Variants in RPL3L observed in about 807,000 individuals in gnomAD.
RPL3L encodes ribosomal protein uL3-like.
RPL3L carries 44 observed loss-of-function variants against 44.5 expected under a neutral mutation model. The observed-to-expected ratio is 0.99, with a 90% CI of 0.78 to 1.27. RPL3L has a LOEUF of 1.27. RPL3L is among the 50% of genes most tolerant of loss of function. RPL3L has a pLI of 0.00. For missense variants in RPL3L, 631 were observed against 569.1 expected (o/e 1.11, Z -1.11); for synonymous variants, 292 against 230.7 (o/e 1.27, Z -2.41).
At chr16:1,952,432 A>G (rs1040061046) in intron 3 of RPL3L, among the ~76,000 whole-genome samples, 4 of 152,158 alleles carry the variant, frequency 2.6e-5, no homozygotes, top group Admixed American at 6.6e-5. Context: ...GCTGCAGTGC[A>G]GTGGCACGAT....
Position 1,944,788 on chromosome 16 carries a change from T to C in RPL3L, c.*49A>G, listed in dbSNP as rs1329148540. On this transcript the variant is annotated 3_prime_UTR_variant, in exon 10 of 10. Transcript: ENST00000268661. ...AGTCGCCTCCGGCCTTTGTTAGACA[T>C]TGGGGCAGACAGTGCGGTGCGCTTC... 9.3e-6 allele frequency: 15 copies of C among 1,612,052 alleles called. No individual in the cohort carries two copies. The highest frequency in any genetic ancestry group is 1.2e-5 in the Non-Finnish European group (14 of 1,178,410).
rs1397272896 is a variant in RPL3L, at chr16:1,945,840, T to C, written c.1042A>G (p.Arg348Gly). 1 of 1,613,808 alleles carries C rather than the reference T, an allele frequency of 6.2e-7. No homozygotes were observed. Among genetic ancestry groups the C allele is most frequent in the East Asian group, 2.2e-5 (1 of 44,878 alleles). The change falls in exon 8 of 10, where the codon AGA becomes GGA. Residue 348 changes from arginine to glycine, a missense_variant. Physicochemically the swap from Arg to Gly is moderately radical, Grantham distance 125. Coordinates refer to ENST00000268661, the MANE Select transcript of RPL3L (RefSeq NM_005061.3). ...GCCCACCCAGCACTGCCAACCTTTC[T>C]CAGCGTAATGACCCGCTTCTTGGTA... ...AGTKKRVITLRKSLLVHHSRQ... is the reference protein window; with the variant it reads ...AGTKKRVITLGKSLLVHHSRQ...
intron 7 of RPL3L, 94 bp downstream of exon 7, chr16:1,946,531 C>T: frequency 7.8e-7 from 1 of 1,286,572 alleles, no homozygotes; most frequent in South Asian, 1.3e-5. Context: ...GGCATGCCCC[C>T]TACATGTATA....
rs1320578043 is a variant in RPL3L, at chr16:1,947,194, C to A, written c.688G>T (p.Gly230Trp). ...AGCTGCCATCCTCACTGAGCCCTAC[C>A]TTTGACGCCTCGACCCTTGGTGACA... ...IAVTKGRGVK[G>W]VTSRWHTKKL... The change falls in exon 5 of 10, where the codon GGG (glycine) becomes TGG (tryptophan). Residue 230 changes from glycine (G) to tryptophan (W), a missense_variant and splice_region_variant. Gly to Trp is a radical substitution (Grantham distance 184, BLOSUM62 -2). Transcript: ENST00000268661. The A allele has an allele frequency of 6.2e-7, 1 of 1,612,872 alleles. No homozygotes were observed. Among genetic ancestry groups the A allele is most frequent in the African/African-American group, 1.3e-5 (1 of 74,908 alleles).
chr16:1,953,835 G>T, intron 2 of RPL3L, 121 bp downstream of exon 2: 1 of 1,052,188 alleles, frequency 9.5e-7, no homozygotes, highest in Non-Finnish European at 1.3e-6. Flanking sequence ...CAATTCCCGG[G>T]GGCGAGGCCT....
chr16:1,948,800 C>A (rs1444570939), intron 4 of RPL3L, among the ~76,000 whole-genome samples: 1 of 151,944 alleles, frequency 6.6e-6, no homozygotes, highest in African/African-American at 2.4e-5. Context: ...ACTGCAAGCT[C>A]TGCCTCCTGG....
At position 1,947,326 on chromosome 16, in the gene RPL3L, T is replaced by C. The variant is rs2083131169; in HGVS notation, c.556A>G (p.Asn186Asp). 7 of 1,610,176 alleles carry C rather than the reference T, an allele frequency of 4.3e-6. No homozygotes were observed. Among genetic ancestry groups the C allele is most frequent in the Non-Finnish European group, 5.1e-6 (6 of 1,178,968 alleles). Reference protein sequence around the residue: ...KKAHIMEIQLNGGTVAEKVAW... With the variant: ...KKAHIMEIQLDGGTVAEKVAW... ...ACCTTCTCGGCCACCGTGCCACCGTTCAGCTGGATCTCCATGATGTGGGCC... is the reference window on the plus strand; with the variant it reads ...ACCTTCTCGGCCACCGTGCCACCGTCCAGCTGGATCTCCATGATGTGGGCC... The change falls in exon 5 of 10, where the codon AAC becomes GAC. Residue 186 changes from asparagine to aspartate, a missense_variant. Asn to Asp is a conservative substitution (Grantham distance 23). Transcript: ENST00000268661.
Position 1,946,952 on chromosome 16 carries a change from C to T in RPL3L, c.835G>A (p.Glu279Lys), listed in dbSNP as rs1394359502. 6.2e-7 allele frequency: 1 copy of T among 1,604,312 alleles called. No homozygotes were observed. Among genetic ancestry groups the T allele is most frequent in the Middle Eastern group, 2.1e-4 (1 of 4,868 alleles). Reference protein sequence around the residue: ...AGQKGYHHRTELNKKIFRIGR... With the variant: ...AGQKGYHHRTKLNKKIFRIGR... ...TGAGGACGCACCTTCTTGTTGAGCT[C>T]CGTGCGGTGGTGATAGCCCTTCTGC... Residue 279 changes from glutamate (E) to lysine (K), a missense_variant, in exon 6 of 10, where the codon GAG becomes AAG. Physicochemically the swap from Glu to Lys is moderately conservative, Grantham distance 56. Coordinates refer to ENST00000268661, the MANE Select transcript of RPL3L (RefSeq NM_005061.3).
chr16:1,946,361 G>A (rs1163253206), intron 7 of RPL3L, among the ~76,000 whole-genome samples: 1 of 152,250 alleles, frequency 6.6e-6, no homozygotes, highest in Non-Finnish European at 1.5e-5. Context: ...GAGATTTCTT[G>A]CTTGTGACTA....
At chr16:1,947,589 C>A (rs62038771) in intron 4 of RPL3L, among the ~76,000 whole-genome samples, 2 of 152,354 alleles carry the variant, frequency 1.3e-5, no homozygotes, top group African/African-American at 4.8e-5. Flanking sequence ...TCGGGAGCCA[C>A]CATCTCACTG....
chr16:1,949,200 C>T (rs1487238970), intron 4 of RPL3L, among the ~76,000 whole-genome samples: 1 of 150,440 alleles, frequency 6.6e-6, no homozygotes, highest in Non-Finnish European at 1.5e-5. Flanking sequence ...CTTGTCCTCC[C>T]ACAGTGCTAG....
At chr16:1,945,662 C>CCA in intron 8 of RPL3L, 44 bp from the exon 9 acceptor site, 1 of 1,612,238 alleles carries the variant, frequency 6.2e-7, no homozygotes, top group Non-Finnish European at 8.5e-7. Flanking sequence ...TGGGGATCCC[C>CCA]CACACCCTGC....
In RPL3L at chr16:1,944,827, C is replaced by T. The variant is rs768533899; in HGVS notation, c.*10G>A. 1.9e-6 allele frequency: 3 copies of T among 1,613,906 alleles called. No homozygotes were observed. Among genetic ancestry groups the T allele is most frequent in the South Asian group, 2.2e-5 (2 of 91,092 alleles). On this transcript the variant is annotated 3_prime_UTR_variant, in exon 10 of 10. Transcript: ENST00000268661. ...GCGGTGCGCTTCAGGGTTCATCCAC[C>T]CCACACAGCCTACAAGTCTCCCGAG...
intron 4 of RPL3L, among the ~76,000 whole-genome samples, chr16:1,948,600 T>C (rs557677069): frequency 6.6e-6 from 1 of 152,070 alleles, no homozygotes; most frequent in South Asian, 2.1e-4. Context: ...AGTGGCATGA[T>C]CAAGGCTCAC....
intron 1 of RPL3L, 110 bp from the exon 2 acceptor site, chr16:1,954,258 C>T: frequency 8.4e-7 from 1 of 1,184,220 alleles, no homozygotes; most frequent in South Asian, 1.7e-5. Context: ...AGACTGAGGC[C>T]TGTGCTCAGC....
At chr16:1,951,831 G>C (rs1372136267) in intron 3 of RPL3L, among the ~76,000 whole-genome samples, 3 of 150,834 alleles carry the variant, frequency 2.0e-5, no homozygotes, top group South Asian at 4.2e-4. Context: ...GGGAAGATTT[G>C]AGGCCCGAGA....
intron 2 of RPL3L, 54 bp downstream of exon 2, chr16:1,953,902 G>A: frequency 7.0e-7 from 1 of 1,419,550 alleles, no homozygotes; most frequent in African/African-American, 1.5e-5. Flanking sequence ...CTGGCTCCGA[G>A]CATCTGGAAG....
rs1389380397 is a variant in RPL3L, at chr16:1,946,606, C to T, written c.951+19G>A. 1.2e-5 allele frequency: 19 copies of T among 1,606,688 alleles called. No individual in the cohort carries two copies. The highest frequency in any genetic ancestry group is 1.7e-5 in the Admixed American group (1 of 59,908). ...TCAGCGGTGTGATGGGCCTGGCAGT[C>T]GCCCCCTCCCAGCCTCACCAGCGGT... On this transcript the variant is annotated intron_variant, in intron 7 of 9. Transcript: ENST00000268661.
At chr16:1,951,073 G>A in intron 3 of RPL3L, 94 bp from the exon 4 acceptor site, 1 of 1,524,758 alleles carries the variant, frequency 6.6e-7, no homozygotes, top group Non-Finnish European at 8.8e-7. Flanking sequence ...CCACCAAGCA[G>A]GGGTCCTACC....
Sources: allele counts gnomAD v4.1 joint callset (sites outside exome capture counted in the v4.1 genomes callset), GRCh38; gene constraint gnomAD v4.1.1; transcripts MANE v1.5; gene names NCBI Gene and HGNC (gene_info 2026-07-23, HGNC 2026-07-21).